PACS1: variants seen among roughly 807,000 people sequenced by gnomAD.
PACS1 encodes phosphofurin acidic cluster sorting protein 1, also known as PACS-1.
PACS1 carries 24 observed loss-of-function variants against 115.0 expected under a neutral mutation model. The ratio of observed to expected loss-of-function variants is 0.21; its 90% CI spans 0.15 to 0.29. PACS1 has a LOEUF of 0.29. PACS1 is among the 10% of genes least tolerant of loss of function. The probability of loss-of-function intolerance (pLI) is 1.00; values close to 1 mark genes in which losing one functional copy is unlikely to be tolerated. For synonymous variants in PACS1, 453 were observed against 504.5 expected, an observed-to-expected ratio of 0.90 and a Z score of 1.37; for missense variants, 838 against 1,251.2, an observed-to-expected ratio of 0.67 and a Z score of 4.98.
At position 66,233,729 on chromosome 11, in the gene PACS1, C is replaced by A; in HGVS notation, c.1839-56C>A. 1 of 1,535,696 alleles carries A rather than the reference C, an allele frequency of 6.5e-7. No homozygotes were observed. Among genetic ancestry groups the A allele is most frequent in the South Asian group, 1.3e-5 (1 of 79,884 alleles). ...ACAGAAAGTCAGCTCTGGGCCTCCC[C>A]CGGGCAGGATCCTGGCACCCCTGAG... On this transcript the variant is annotated intron_variant, in intron 15 of 23. Coordinates refer to ENST00000320580, the MANE Select transcript of PACS1 (RefSeq NM_018026.4). This position sits in a 1 kb window ranked among gnomAD's most constrained non-coding sequence, Gnocchi z 4.5.
At chr11:66,191,648 C>T (rs1228045007) in intron 1 of PACS1, among the ~76,000 whole-genome samples, 1 of 152,158 alleles carries the variant, frequency 6.6e-6, no homozygotes, top group Non-Finnish European at 1.5e-5. Context: ...AGCTTTCATA[C>T]ATTTTATTTG....
intron 1 of PACS1, among the ~76,000 whole-genome samples, chr11:66,071,165 C>T (rs1438079933): frequency 6.6e-6 from 1 of 152,078 alleles, no homozygotes; most frequent in African/African-American, 2.4e-5. Context: ...CACTCTCCTG[C>T]CTCGCCGGCG....
At chr11:66,196,374 A>G (rs1020475185) in intron 2 of PACS1, among the ~76,000 whole-genome samples, 2 of 152,254 alleles carry the variant, frequency 1.3e-5, no homozygotes, top group Non-Finnish European at 2.9e-5. Flanking sequence ...TCTGCCTTGC[A>G]GCAAAGTTCG....
At chr11:66,182,999 G>A (rs1036571063) in intron 1 of PACS1, among the ~76,000 whole-genome samples, 9 of 152,048 alleles carry the variant, frequency 5.9e-5, no homozygotes, top group African/African-American at 2.2e-4. Flanking sequence ...GTGTGGTGGT[G>A]TGCACCTGTG....
chr11:66,235,503 T>A lies in PACS1; in HGVS notation c.2207+100T>A. The A allele has an allele frequency of 1.2e-6, 1 of 856,878 alleles. No homozygotes were observed. The highest frequency in any genetic ancestry group is 1.9e-6 in the Non-Finnish European group (1 of 528,582). 53.1% of individuals were successfully genotyped at this position (856,878 alleles called of 1,614,324 possible). A position where few individuals can be genotyped will look rare whatever the true frequency, so the allele number is the denominator to read the frequency against. On this transcript the variant is annotated intron_variant, in intron 18 of 23. Transcript: ENST00000320580. The surrounding 1 kb of genome is among the most constrained non-coding windows in gnomAD (Gnocchi z 5.6). The stretch of plus-strand genomic sequence containing the variant: ...TCACATTTTCCTTCTCCACATGCTA[T>A]ATTCCTTCATAGGAACCCAAAAGGA...
intron 1 of PACS1, among the ~76,000 whole-genome samples, chr11:66,118,203 G>C (rs1858350211): frequency 6.6e-6 from 1 of 152,232 alleles, no homozygotes. Context: ...AAACAGCATA[G>C]ATGGTTAACA....
At position 66,092,908 on chromosome 11, in the gene PACS1, G is replaced by A. The variant is rs189621394; in HGVS notation, c.356+22066G>A. 3.0e-4 allele frequency among the ~76,000 whole-genome samples: 46 copies of A among 152,200 alleles called. 1 individual carries two copies. The highest frequency in any genetic ancestry group is 1.0e-3 in the African/African-American group (42 of 41,524). On this transcript the variant is annotated intron_variant, in intron 1 of 23. Coordinates refer to ENST00000320580, the MANE Select transcript of PACS1 (RefSeq NM_018026.4). The stretch of plus-strand genomic sequence containing the variant: ...TCTCTGTTTGGTACCATGCTGTTTC[G>A]GTTACTGTAGCCTTATAGTATAGTT...
chr11:66,121,646 C>G (rs955507692), intron 1 of PACS1, among the ~76,000 whole-genome samples: 2 of 152,176 alleles, frequency 1.3e-5, no homozygotes, highest in African/African-American at 2.4e-5. Context: ...GCAAAACAAC[C>G]TTATTGCTGA....
chr11:66,153,825 G>C (rs1179982043), intron 1 of PACS1, among the ~76,000 whole-genome samples: 1 of 152,054 alleles, frequency 6.6e-6, no homozygotes, highest in Non-Finnish European at 1.5e-5. Context: ...ATGTATATAG[G>C]TGTAATTATG....
chr11:66,089,683 T>C (rs571558538), intron 1 of PACS1, among the ~76,000 whole-genome samples: 1 of 152,272 alleles, frequency 6.6e-6, no homozygotes, highest in African/African-American at 2.4e-5. Flanking sequence ...AGACAACTTA[T>C]AAATGCTTTG....
intron 1 of PACS1, among the ~76,000 whole-genome samples, chr11:66,119,319 A>G (rs1858389004): frequency 6.6e-6 from 1 of 152,186 alleles, no homozygotes. Flanking sequence ...TGTAAACCTC[A>G]CTGGAACACA....
chr11:66,140,496 A>G (rs965446262), intron 1 of PACS1, among the ~76,000 whole-genome samples: 31 of 152,290 alleles, frequency 2.0e-4, no homozygotes, highest in African/African-American at 5.5e-4. Context: ...CTCTGCCGTC[A>G]CGGTGCATGG....
intron 1 of PACS1, among the ~76,000 whole-genome samples, chr11:66,126,385 C>A (rs1331770963): frequency 6.6e-6 from 1 of 152,170 alleles, no homozygotes; most frequent in Non-Finnish European, 1.5e-5. Context: ...AATCCCTGAA[C>A]AAGTAAATCC....
In PACS1 at chr11:66,221,160, C is replaced by T; in HGVS notation, c.1206C>T (p.Phe402=). Residue 402 remains phenylalanine (F), a synonymous_variant, in exon 10 of 24, where the codon TTC becomes TTT. Transcript: ENST00000320580. Reference sequence around the variant, plus strand: ...GCTGTGCTCTTCACCACAGGCCTTTCTTTGAGGGGATGTCGCAGTCCAGCT... The same window carrying T: ...GCTGTGCTCTTCACCACAGGCCTTTTTTTGAGGGGATGTCGCAGTCCAGCT... ...LSTPKPKLKP[F]FEGMSQSSSQ... 1 of 1,614,166 alleles carries T rather than the reference C, an allele frequency of 6.2e-7. No individual in the cohort carries two copies. Among genetic ancestry groups the T allele is most frequent in the Non-Finnish European group, 8.5e-7 (1 of 1,179,978 alleles).
At chr11:66,230,783 C>A (rs781778799) in intron 12 of PACS1, 22 bp from the exon 13 acceptor site, 2 of 1,613,948 alleles carry the variant, frequency 1.2e-6, no homozygotes, top group East Asian at 2.2e-5. Context: ...ATTTCACCAG[C>A]CTTTTTCCAC....
At chr11:66,202,875 G>A (rs1191584103) in intron 2 of PACS1, among the ~76,000 whole-genome samples, 1 of 147,970 alleles carries the variant, frequency 6.8e-6, no homozygotes, top group Non-Finnish European at 1.5e-5. Context: ...CACAATAAAA[G>A]CCATATATGA....
At chr11:66,097,370 T>G (rs1027529934) in intron 1 of PACS1, among the ~76,000 whole-genome samples, 2 of 152,154 alleles carry the variant, frequency 1.3e-5, no homozygotes, top group African/African-American at 4.8e-5. Flanking sequence ...GTGAGCTGCC[T>G]ATGGAGACGG....
chr11:66,212,996 C>T (rs971025682), intron 4 of PACS1, among the ~76,000 whole-genome samples: 1 of 152,102 alleles, frequency 6.6e-6, no homozygotes, highest in Admixed American at 6.5e-5. Flanking sequence ...ATTACAGGGA[C>T]CCGCCACCAT....
intron 1 of PACS1, among the ~76,000 whole-genome samples, chr11:66,124,072 A>AGTT (rs1335388108): frequency 6.6e-6 from 1 of 152,236 alleles, no homozygotes; most frequent in African/African-American, 2.4e-5. Context: ...AATACCGTCT[A>AGTT]GTTGTAAAAA....
Sources: allele counts gnomAD v4.1 joint callset (sites outside exome capture counted in the v4.1 genomes callset), GRCh38; gene constraint gnomAD v4.1.1; non-coding constraint Gnocchi (gnomAD v3.1); transcripts MANE v1.5; gene names NCBI Gene and HGNC (gene_info 2026-07-23, HGNC 2026-07-21).